CFAP299: variants seen among roughly 807,000 people sequenced by gnomAD.
CFAP299 encodes cilia- and flagella-associated protein 299.
CFAP299 carries 21 observed loss-of-function variants against 27.0 expected under a neutral mutation model. That is an observed-to-expected ratio of 0.78 (90% CI 0.55 to 1.12). The LOEUF is 1.12. Among genes scored for constraint, CFAP299 ranks in the 50% most tolerant of loss-of-function variants. CFAP299 has a pLI of 0.00. For synonymous variants in CFAP299, 104 were observed against 98.1 expected (o/e 1.06, Z -0.36); for missense variants, 310 against 276.6 (o/e 1.12, Z -0.86).
intron 3 of CFAP299, among the ~76,000 whole-genome samples, chr4:80,804,513 T>C (rs1560421602): frequency 6.6e-6 from 1 of 152,186 alleles, no homozygotes; most frequent in Non-Finnish European, 1.5e-5. Flanking sequence ...ATTTTGCTTA[T>C]CCATCCATCC....
intron 3 of CFAP299, among the ~76,000 whole-genome samples, chr4:80,788,089 C>T (rs1265206876): frequency 6.6e-6 from 1 of 151,952 alleles, no homozygotes; most frequent in East Asian, 1.9e-4. Context: ...TCTAGCAAGT[C>T]CCTAGGGGAT....
chr4:80,909,030 C>T (rs1273570266), intron 4 of CFAP299, among the ~76,000 whole-genome samples: 1 of 152,134 alleles, frequency 6.6e-6, no homozygotes, highest in Non-Finnish European at 1.5e-5. Flanking sequence ...AAGTCTCTAG[C>T]ATAGGTAAAG....
rs543868790 is a variant in CFAP299 at position 80,400,723 on chromosome 4, C to T, written c.242+37839C>T. On this transcript the variant is annotated intron_variant, in intron 2 of 5. Coordinates refer to ENST00000358105, the MANE Select transcript of CFAP299 (RefSeq NM_152770.3). Reference sequence around the variant, plus strand: ...GTAAATTTGTACCAGTAAAGTTGGGCGTTGCTGAATAGATACCTGAAAATA... The same window carrying T: ...GTAAATTTGTACCAGTAAAGTTGGGTGTTGCTGAATAGATACCTGAAAATA... Among the ~76,000 whole-genome samples the T allele has an allele frequency of 2.0e-4, 31 of 152,206 alleles. No individual in the cohort carries two copies. The South Asian group carries it at 5.4e-3, about 26-fold the overall frequency.
chr4:80,877,153 A>T (rs901210915), intron 4 of CFAP299, among the ~76,000 whole-genome samples: 2 of 152,234 alleles, frequency 1.3e-5, no homozygotes, highest in African/African-American at 4.8e-5. Context: ...GTTATGTCCC[A>T]GGATACTTTT....
At chr4:80,681,422 A>G (rs1451418252) in intron 3 of CFAP299, among the ~76,000 whole-genome samples, 1 of 143,218 alleles carries the variant, frequency 7.0e-6, no homozygotes, top group Non-Finnish European at 1.5e-5. Flanking sequence ...AGTTAGTGCC[A>G]GAGGCAAAAA....
intron 2 of CFAP299, among the ~76,000 whole-genome samples, chr4:80,512,808 A>G (rs999012896): frequency 1.3e-5 from 2 of 152,156 alleles, no homozygotes; most frequent in African/African-American, 4.8e-5. Flanking sequence ...TCAATTATAT[A>G]TATTACATGT....
Position 80,335,783 on chromosome 4 carries a change from G to A in CFAP299, c.15G>A (p.Glu5=), listed in dbSNP as rs1452393623. The A allele has an allele frequency of 2.5e-6, 4 of 1,612,020 alleles. No individual in the cohort carries two copies. Among genetic ancestry groups the A allele is most frequent in the African/African-American group, 1.3e-5 (1 of 74,894 alleles). MDQE[E]GLKALDNIVT... The stretch of plus-strand genomic sequence containing the variant: ...AGGATACCGCAATGGATCAGGAAGA[G>A]GGGCTGAAGGCCTTGGACAATATTG... Residue 5 remains glutamate (E), a synonymous_variant, in exon 1 of 6, where the codon GAG becomes GAA. Transcript: ENST00000358105.
chr4:80,440,773 G>A lies in CFAP299; in HGVS notation c.242+77889G>A, dbSNP rs181097202. Among the ~76,000 whole-genome samples, 945 of 152,304 alleles carry A rather than the reference G, an allele frequency of 6.2e-3. 2 individuals carry two copies. Among genetic ancestry groups the A allele is most frequent in the Middle Eastern group, 0.024 (7 of 294 alleles). On this transcript the variant is annotated intron_variant, in intron 2 of 5. Transcript: ENST00000358105. ...TAACAAACTCCTCCAAGCTAAAGGA[G>A]CATATTCTAACCCAGTGCAAGGAAG...
intron 1 of CFAP299, among the ~76,000 whole-genome samples, chr4:80,348,403 A>G (rs1216404162): frequency 6.6e-6 from 1 of 152,222 alleles, no homozygotes; most frequent in Admixed American, 6.5e-5. Flanking sequence ...CAAAGGTCTA[A>G]TATCCAGAAT....
chr4:80,348,651 G>GA (rs1340396500), intron 1 of CFAP299, among the ~76,000 whole-genome samples: 3 of 152,204 alleles, frequency 2.0e-5, no homozygotes, highest in African/African-American at 4.8e-5. Flanking sequence ...AAAGTTCTCA[G>GA]AAAAAACCCA....
At chr4:80,693,539 G>A (rs1241145444) in intron 3 of CFAP299, among the ~76,000 whole-genome samples, 2 of 128,270 alleles carry the variant, frequency 1.6e-5, no homozygotes, top group African/African-American at 5.8e-5. Flanking sequence ...ACACTCTGGG[G>A]ACTGTGGTGG....
At chr4:80,467,193 T>C (rs1249330205) in intron 2 of CFAP299, among the ~76,000 whole-genome samples, 2 of 152,180 alleles carry the variant, frequency 1.3e-5, no homozygotes, top group Admixed American at 6.5e-5. Flanking sequence ...TGCTAGCAGC[T>C]TGAAATTGGT....
chr4:80,541,202 A>G (rs1341905142), intron 2 of CFAP299, among the ~76,000 whole-genome samples: 2 of 152,182 alleles, frequency 1.3e-5, no homozygotes, highest in Non-Finnish European at 2.9e-5. Context: ...CCATACGTAA[A>G]GATTTTTCCG....
At chr4:80,355,308 G>C (rs1723214677) in intron 1 of CFAP299, among the ~76,000 whole-genome samples, 1 of 144,880 alleles carries the variant, frequency 6.9e-6, no homozygotes, top group South Asian at 2.2e-4. Flanking sequence ...AAATGTGATT[G>C]TTGGTCACAT....
At chr4:80,326,106 G>A in the CFAP299 span, among the ~76,000 whole-genome samples, 1 of 152,158 alleles carries the variant, frequency 6.6e-6, no homozygotes, top group African/African-American at 2.4e-5. Context: ...ATTAGATCCT[G>A]GAAGGTAATT....
chr4:80,387,267 C>G, intron 2 of CFAP299: 1 of 1,610,098 alleles, frequency 6.2e-7, no homozygotes, highest in African/African-American at 1.3e-5. Flanking sequence ...CTCAGCTCCT[C>G]CTGGTGGCTC....
chr4:80,758,438 G>A (rs1052667796), intron 3 of CFAP299, among the ~76,000 whole-genome samples: 1 of 152,102 alleles, frequency 6.6e-6, no homozygotes, highest in Non-Finnish European at 1.5e-5. Flanking sequence ...GATTTTATGG[G>A]CATAGGATGG....
At chr4:80,799,866 A>ATATATTATATTATATAATATATAAAT (rs1728270474) in intron 3 of CFAP299, among the ~76,000 whole-genome samples, 1 of 31,604 alleles carries the variant, frequency 3.2e-5, no homozygotes, top group Non-Finnish European at 4.9e-5. Context: ...AATATATATT[A>ATATATTATATTATATAATATATAAAT]TATATATTAT....
At chr4:80,559,498 G>T (rs113296490) in intron 2 of CFAP299, among the ~76,000 whole-genome samples, 4 of 152,082 alleles carry the variant, frequency 2.6e-5, no homozygotes, top group Non-Finnish European at 4.4e-5. Flanking sequence ...GAAAAAAAGC[G>T]CCTGTGTAAG....
Sources: gnomAD v4.1 joint callset for allele counts (sites outside exome capture counted in the v4.1 genomes callset) on GRCh38, gnomAD v4.1.1 for gene constraint, MANE v1.5 for transcripts, NCBI Gene and HGNC (gene_info 2026-07-23, HGNC 2026-07-21) for gene names.